C1QTNF9B: variants seen among roughly 807,000 people sequenced by gnomAD.
C1QTNF9B encodes C1q and TNF related 9B.
A neutral mutation model predicts 10.1 loss-of-function variants in C1QTNF9B; 9 were observed. That is an observed-to-expected ratio of 0.89 (90% CI 0.53 to 1.55). The LOEUF is 1.55. Among genes scored for constraint, C1QTNF9B ranks in the 40% most tolerant of loss-of-function variants. C1QTNF9B has a pLI of 0.00. For synonymous variants in C1QTNF9B, 79 were observed against 159.9 expected, an observed-to-expected ratio of 0.49 and a Z score of 3.82; for missense variants, 196 against 414.4, an observed-to-expected ratio of 0.47 and a Z score of 4.58.
chr13:23,894,113 G>C (rs1182022225), intron 2 of C1QTNF9B, 26 bp downstream of exon 4: 9 of 1,449,076 alleles, frequency 6.2e-6, no homozygotes, highest in Non-Finnish European at 7.7e-6. Flanking sequence ...CTCAGAATTA[G>C]AGCACCATAA....
chr13:23,896,977 A>G, exon 1 of C1QTNF9B: 2 of 1,613,954 alleles, frequency 1.2e-6, no homozygotes, highest in East Asian at 2.2e-5. Flanking sequence ...AGAAGCCACC[A>G]GATCCTCATG....
At position 23,895,483 on chromosome 13, in the gene C1QTNF9B, AAAT is replaced by A. The variant is rs201078400; in HGVS notation, c.167-1285_167-1283del. Among the ~76,000 whole-genome samples the A allele has an allele frequency of 1.2e-3, 189 of 152,316 alleles. 1 individual carries two copies. The East Asian group carries it at 0.023, about 19-fold the overall frequency. On this transcript the variant is annotated intron_variant, in intron 1 of 2. Transcript: ENST00000382137. Reference sequence around the variant, plus strand: ...CCTTCTAAGAAAGAATATATATTACAAATAATACTTATGAATTACATAGAAAAA... The same window carrying A: ...CCTTCTAAGAAAGAATATATATTACAAATACTTATGAATTACATAGAAAAA...
chr13:23,894,164 C>A lies in C1QTNF9B; in HGVS notation c.204G>T (p.Gly68=), dbSNP rs200598461. 4.5e-5 allele frequency: 70 copies of A among 1,539,674 alleles called. 7 individuals are homozygous for A. The highest frequency in any genetic ancestry group is 5.4e-5 in the Non-Finnish European group (60 of 1,116,532). ...CTCGTTCTCCCTTCTCTCCACTCGT[C>A]CCATCCTTCCCCGGGCTGCCAGGAC... Residue 68 remains glycine, a synonymous_variant, in exon 2 of 3, where the codon GGG becomes GGT. Transcript: ENST00000382137.
In C1QTNF9B at chr13:23,895,101, C is replaced by T. The variant is rs553079562; in HGVS notation, c.167-900G>A. On this transcript the variant is annotated intron_variant, in intron 1 of 2. Transcript: ENST00000382137. ...CGCTCCTGAGTGGGGCCTTGGTCAG[C>T]GTGGGACCTCTGAATGGAGGGGGCT... Among the ~76,000 whole-genome samples, 142 of 152,210 alleles carry T rather than the reference C, an allele frequency of 9.3e-4. 1 individual carries two copies. The highest frequency in any genetic ancestry group is 3.3e-3 in the African/African-American group (137 of 41,538).
chr13:23,897,136 C>T, upstream of C1QTNF9B: 1 of 1,114,166 alleles, frequency 9.0e-7, no homozygotes, highest in Non-Finnish European at 1.3e-6. Flanking sequence ...ACAGACTTGG[C>T]AGAAGACTCA....
intron 1 of C1QTNF9B, among the ~76,000 whole-genome samples, chr13:23,895,711 G>C (rs1014002406): frequency 5.3e-5 from 8 of 151,160 alleles, no homozygotes; most frequent in Non-Finnish European, 8.8e-5. Context: ...TTTAAAAAAT[G>C]AAAATCCTAA....
chr13:23,894,342 G>A, intron 1 of C1QTNF9B, 141 bp from the exon 4 acceptor site: 1 of 805,232 alleles, frequency 1.2e-6, no homozygotes, highest in Non-Finnish European at 2.1e-6. Flanking sequence ...CACGAGCGCA[G>A]GTGGAGAGAG....
intron 1 of C1QTNF9B, among the ~76,000 whole-genome samples, chr13:23,894,838 G>A (rs565449386): frequency 1.5e-4 from 23 of 152,264 alleles, no homozygotes; most frequent in African/African-American, 5.1e-4. Flanking sequence ...GCTCCAGGTC[G>A]GCGTGCTATC....
intron 2 of C1QTNF9B, among the ~76,000 whole-genome samples, chr13:23,893,572 A>C (rs1205240483): frequency 6.6e-6 from 1 of 152,216 alleles, no homozygotes; most frequent in Non-Finnish European, 1.5e-5. Flanking sequence ...TCCCAGGCTC[A>C]AGTGATCCTC....
chr13:23,895,756 T>TACACACACACACAC (rs71185099), intron 1 of C1QTNF9B, among the ~76,000 whole-genome samples: 5 of 146,594 alleles, frequency 3.4e-5, no homozygotes, highest in East Asian at 2.0e-4. Flanking sequence ...GACACAGACA[T>TACACACACACACAC]ACACACACAC....
chr13:23,893,442 C>G (rs1872087403), intron 2 of C1QTNF9B, among the ~76,000 whole-genome samples: 1 of 152,136 alleles, frequency 6.6e-6, no homozygotes, highest in South Asian at 2.1e-4. Context: ...CTCCCGCAAG[C>G]AAAACAAACA....
intron 1 of C1QTNF9B, 126 bp from the exon 4 acceptor site, chr13:23,894,327 C>T (rs1872122329): frequency 4.4e-6 from 4 of 918,954 alleles, no homozygotes; most frequent in Non-Finnish European, 6.9e-6. Context: ...GCACTCTGTC[C>T]TCCACACGAG....
intron 1 of C1QTNF9B, 139 bp from the exon 4 acceptor site, chr13:23,894,340 C>T (rs1872123581): frequency 2.4e-6 from 2 of 838,000 alleles, no homozygotes; most frequent in African/African-American, 1.7e-5. Context: ...CACACGAGCG[C>T]AGGTGGAGAG....
Position 23,893,480 on chromosome 13 carries a change from T to G in C1QTNF9B, c.229+659A>C, listed in dbSNP as rs551701986. Among the ~76,000 whole-genome samples the G allele has an allele frequency of 4.6e-5, 7 of 152,188 alleles. No homozygotes were observed. In the South Asian group the frequency reaches 1.5e-3, roughly 32 times the overall value. On this transcript the variant is annotated intron_variant, in intron 2 of 2. Transcript: ENST00000382137. ...GTTGACATTTTTTTTGTTTTTCTGG[T>G]TTTTGTTTGTGACAGGGTCACTCAC...
At chr13:23,896,251 G>A (rs1165954475) in intron 1 of C1QTNF9B, among the ~76,000 whole-genome samples, 2 of 152,204 alleles carry the variant, frequency 1.3e-5, no homozygotes, top group Non-Finnish European at 2.9e-5. Flanking sequence ...CAGACTTCCA[G>A]GCTTTGGCAA....
intron 1 of C1QTNF9B, chr13:23,894,484 G>C: frequency 1.6e-6 from 1 of 614,754 alleles, no homozygotes; most frequent in Non-Finnish European, 3.0e-6. Context: ...CGAAGAGGGA[G>C]TGTGTGCAAT....
At chr13:23,893,243 A>C (rs1241560183) in intron 2 of C1QTNF9B, among the ~76,000 whole-genome samples, 2 of 152,190 alleles carry the variant, frequency 1.3e-5, no homozygotes, top group African/African-American at 2.4e-5. Context: ...TGAAAAGCAC[A>C]AAGTGAAGAT....
In C1QTNF9B at chr13:23,894,120, A is replaced by G; in HGVS notation, c.229+19T>C. On this transcript the variant is annotated intron_variant, in intron 2 of 2. Coordinates refer to ENST00000382137, the Ensembl canonical transcript of C1QTNF9B. ...GTCGACAGCTCAGAATTAGAGCACC[A>G]TAAATAGGAACTACTAACCTCGTTC... The G allele has an allele frequency of 2.0e-6, 3 of 1,481,800 alleles. No individual in the cohort carries two copies. The highest frequency in any genetic ancestry group is 2.8e-6 in the Non-Finnish European group (3 of 1,063,112). 91.8% of individuals were successfully genotyped at this position (1,481,800 alleles called of 1,614,324 possible).
intron 1 of C1QTNF9B, among the ~76,000 whole-genome samples, chr13:23,895,476 ATATT>A (rs1872168985): frequency 6.6e-6 from 1 of 152,204 alleles, no homozygotes; most frequent in South Asian, 2.1e-4. Context: ...GAAAGAATAT[ATATT>A]ACAAATAATA....
Sources: gnomAD v4.1 joint callset for allele counts (sites outside exome capture counted in the v4.1 genomes callset) on GRCh38, gnomAD v4.1.1 for gene constraint, MANE v1.5 for transcripts, NCBI Gene and HGNC (gene_info 2026-07-23, HGNC 2026-07-21) for gene names.